The following CYP11B1 variants were observed in gnomAD, a reference collection of about 807,000 sequenced individuals.
CYP11B1 encodes the protein cytochrome P450 11B1, mitochondrial.
In CYP11B1, 34 loss-of-function variants were observed where a neutral mutation model predicts 48.3. The ratio of observed to expected loss-of-function variants is 0.70; its 90% CI spans 0.54 to 0.94. CYP11B1 has a LOEUF of 0.94. Among genes scored for constraint, CYP11B1 ranks in the 40% least tolerant of loss-of-function variants. The probability of loss-of-function intolerance (pLI) is 0.00; values close to 1 mark genes in which losing one functional copy is unlikely to be tolerated. For synonymous variants in CYP11B1, 291 were observed against 262.5 expected (o/e 1.11, Z -1.05); for missense variants, 688 against 657.4 (o/e 1.05, Z -0.51).
At position 142,876,388 on chromosome 8, in the gene CYP11B1, G is replaced by A. The variant is rs749806219; in HGVS notation, c.807C>T (p.Asn269=). The A allele has an allele frequency of 1.2e-6, 2 of 1,613,852 alleles. No individual in the cohort carries two copies. The highest frequency in any genetic ancestry group is 1.7e-6 in the Non-Finnish European group (2 of 1,179,838). The stretch of plus-strand genomic sequence containing the variant: ...GTTCCTGATAGATTTTCTGGATACA[G>A]TTGTCGCCTATCCGGGGAGCGGGAG... The part of the protein sequence containing the change: ...AWDCIFQYGD[N]CIQKIYQELA... Residue 269 remains asparagine (N), a synonymous_variant, in exon 5 of 9, where the codon AAC becomes AAT. Transcript: ENST00000292427.
rs973876982 is a variant in CYP11B1 at position 142,873,060 on chromosome 8, G to A, written c.*1313C>T. On this transcript the variant is annotated 3_prime_UTR_variant, in exon 9 of 9. Transcript: ENST00000292427. ...GTTTGTCAGCAACCCAGTCTATGGCGTTTTCTTAGAGCATCCTGAATAGAT... is the reference window on the plus strand; with the variant it reads ...GTTTGTCAGCAACCCAGTCTATGGCATTTTCTTAGAGCATCCTGAATAGAT... The A allele has an allele frequency of 2.0e-5, 3 of 152,328 alleles. No homozygotes were observed. The highest frequency in any genetic ancestry group is 1.3e-4 in the Admixed American group (2 of 15,298). 9.4% of individuals were successfully genotyped at this position (152,328 alleles called of 1,614,324 possible). A position where few individuals can be genotyped will look rare whatever the true frequency, so the allele number is the denominator to read the frequency against.
chr8:142,876,241 C>A lies in CYP11B1; in HGVS notation c.954G>T (p.Thr318=), dbSNP rs753774484. The A allele has an allele frequency of 1.9e-6, 3 of 1,614,180 alleles. No individual in the cohort carries two copies. The Admixed American group carries it at 5.0e-5, about 27-fold the overall frequency. The part of the protein sequence containing the change: ...SMELTAGSVD[T]TVFPLLMTLF... Reference sequence around the variant, plus strand: ...GGGTGGGGCTGGTTGCCGGCCTGACCGTGTCCACGCTCCCTGCAGTGAGTT... The same window carrying A: ...GGGTGGGGCTGGTTGCCGGCCTGACAGTGTCCACGCTCCCTGCAGTGAGTT... Residue 318 remains threonine, a splice_region_variant and synonymous_variant, in exon 5 of 9, where the codon ACG becomes ACT. Transcript: ENST00000292427.
chr8:142,875,193 G>A, intron 7 of CYP11B1, 39 bp from the exon 8 acceptor site: 1 of 1,614,234 alleles, frequency 6.2e-7, no homozygotes, highest in Non-Finnish European at 8.5e-7. Context: ...GAATGACTGG[G>A]GAGGGAGGTT....
At position 142,872,869 on chromosome 8, in the gene CYP11B1, TAA is replaced by T. The variant is rs1426502500; in HGVS notation, c.*1502_*1503del. On this transcript the variant is annotated 3_prime_UTR_variant, in exon 9 of 9. Transcript: ENST00000292427. The stretch of plus-strand genomic sequence containing the variant: ...CTCTTGAATGGAACTGGCGTCCTTA[TAA>T]AAGAGGTCTCTGTGAGCTGTCTTGC... 1.3e-5 allele frequency: 2 copies of T among 152,136 alleles called. No individual in the cohort carries two copies. Among genetic ancestry groups the T allele is most frequent in the Non-Finnish European group, 2.9e-5 (2 of 68,036 alleles). 9.4% of individuals were successfully genotyped at this position (152,136 alleles called of 1,614,324 possible).
At chr8:142,878,779 A>G (rs1474365522) in intron 2 of CYP11B1, among the ~76,000 whole-genome samples, 1 of 152,136 alleles carries the variant, frequency 6.6e-6, no homozygotes, top group Non-Finnish European at 1.5e-5. Flanking sequence ...GCGGGTTCTC[A>G]CTACACAGAA....
chr8:142,879,742 C>G lies in CYP11B1; in HGVS notation c.72G>C (p.Leu24=), dbSNP rs777014524. The change falls in exon 1 of 9, where the codon CTG becomes CTC. Residue 24 remains leucine, a synonymous_variant. Coordinates refer to ENST00000292427, the MANE Select transcript of CYP11B1 (RefSeq NM_000497.4). ...TGGGGACCCGGGCGGCTCTCGTGCCCAGTGCCTGTGCCCTTTGCAGGGACA... is the reference window on the plus strand; with the variant it reads ...TGGGGACCCGGGCGGCTCTCGTGCCGAGTGCCTGTGCCCTTTGCAGGGACA... ...PWLSLQRAQA[L]GTRAARVPRT... The G allele has an allele frequency of 6.2e-7, 1 of 1,614,238 alleles. No individual in the cohort carries two copies. The highest frequency in any genetic ancestry group is 1.1e-5 in the South Asian group (1 of 91,092).
intron 6 of CYP11B1, 91 bp from the exon 7 acceptor site, chr8:142,875,403 T>G: frequency 7.1e-7 from 1 of 1,407,796 alleles, no homozygotes; most frequent in Non-Finnish European, 9.8e-7. Context: ...CCCGCAGAGG[T>G]CCCAGATCCA....
chr8:142,875,838 C>T lies in CYP11B1; in HGVS notation c.995G>A (p.Arg332Gln), dbSNP rs149881706. 36 of 1,613,982 alleles carry T rather than the reference C, an allele frequency of 2.2e-5. No individual in the cohort carries two copies. Among genetic ancestry groups the T allele is most frequent in the South Asian group, 2.1e-4 (19 of 91,088 alleles). The change falls in exon 6 of 9, where the codon CGG becomes CAG. Residue 332 changes from arginine to glutamine, a missense_variant. By Grantham distance (43) the Arg-to-Gln change is conservative (BLOSUM62 1). Transcript: ENST00000292427. ...CAGGGCCTGCTGCACGTTGGGGTTC[C>T]GAGCCAGCTCAAAGAGCGTCATCAG... ...PLLMTLFELA[R>Q]NPNVQQALRQ...
At chr8:142,878,962 C>T (rs1242668177) in intron 2 of CYP11B1, 70 bp downstream of exon 2, 20 of 1,584,504 alleles carry the variant, frequency 1.3e-5, no homozygotes, top group Non-Finnish European at 1.6e-5. Flanking sequence ...GCTTTTGGGT[C>T]CTGCCTCTCT....
At chr8:142,876,193 G>T in intron 5 of CYP11B1, 48 bp downstream of exon 5, 2 of 1,613,092 alleles carry the variant, frequency 1.2e-6, no homozygotes, top group Non-Finnish European at 1.7e-6. Context: ...TGCCTGGGAG[G>T]CAGGCTTGGC....
At position 142,877,219 on chromosome 8, in the gene CYP11B1, A is replaced by T. The variant is rs144289742; in HGVS notation, c.399T>A (p.Asn133Lys). 78 of 1,611,992 alleles carry T rather than the reference A, an allele frequency of 4.8e-5. No homozygotes were observed. Among genetic ancestry groups the T allele is most frequent in the Non-Finnish European group, 5.9e-5 (70 of 1,179,218 alleles). The change falls in exon 3 of 9, where the codon AAT becomes AAA. Residue 133 changes from asparagine to lysine, a missense_variant. Physicochemically the swap from Asn to Lys is moderately conservative, Grantham distance 94 (BLOSUM62 0). Coordinates refer to ENST00000292427, the MANE Select transcript of CYP11B1 (RefSeq NM_000497.4). Reference sequence around the variant, plus strand: ...ATCGGTTGAAGCGCCATTCAGGCCCATTCCTACAGAGGCCAGGGCAGAGCT... The same window carrying T: ...ATCGGTTGAAGCGCCATTCAGGCCCTTTCCTACAGAGGCCAGGGCAGAGCT... ...RGHKCGVFLLNGPEWRFNRLR... is the reference protein window; with the variant it reads ...RGHKCGVFLLKGPEWRFNRLR...
Position 142,879,778 on chromosome 8 carries a change from T to C in CYP11B1, c.36A>G (p.Ala12=). 1 of 1,614,166 alleles carries C rather than the reference T, an allele frequency of 6.2e-7. No individual in the cohort carries two copies. The highest frequency in any genetic ancestry group is 8.5e-7 in the Non-Finnish European group (1 of 1,180,042). The change falls in exon 1 of 9, where the codon GCA becomes GCG. Residue 12 remains alanine (A), a synonymous_variant. Coordinates refer to ENST00000292427, the MANE Select transcript of CYP11B1 (RefSeq NM_000497.4). ...CCCTTTGCAGGGACAGCCAGGGCAC[T>C]GCCATGCACACCTCTGCCTTTGCCC... ...ALRAKAEVCM[A]VPWLSLQRAQ...
chr8:142,873,856 G>A lies in CYP11B1; in HGVS notation c.*517C>T, dbSNP rs538396675. 14 of 199,388 alleles carry A rather than the reference G, an allele frequency of 7.0e-5. No individual in the cohort carries two copies. The South Asian group carries it at 1.4e-3, about 19-fold the overall frequency. The allele number at this position is 199,388 out of a possible 1,614,324, so 12.4% of individuals were successfully genotyped here. A position where few individuals can be genotyped will look rare whatever the true frequency, so the allele number is the denominator to read the frequency against. On this transcript the variant is annotated 3_prime_UTR_variant, in exon 9 of 9. Coordinates refer to ENST00000292427, the MANE Select transcript of CYP11B1 (RefSeq NM_000497.4). ...CTACCCTGCAGGACCCTATTCCAGG[G>A]TGACAACTTTCAGAGAGCTCAGGGC... is the stretch of plus-strand genomic sequence containing the variant.
In CYP11B1 at chr8:142,874,009, T is replaced by G. The variant is rs1816860623; in HGVS notation, c.*364A>C. 1.9e-5 allele frequency: 7 copies of G among 363,544 alleles called. No homozygotes were observed. The highest frequency in any genetic ancestry group is 2.7e-5 in the Non-Finnish European group (5 of 188,498). 22.5% of individuals were successfully genotyped at this position (363,544 alleles called of 1,614,324 possible). ...GGCCAGGGGAAGAGGAACAGGGACATGTGAGACTAGGCAGGAAGGCAAGGG... is the reference window on the plus strand; with the variant it reads ...GGCCAGGGGAAGAGGAACAGGGACAGGTGAGACTAGGCAGGAAGGCAAGGG... On this transcript the variant is annotated 3_prime_UTR_variant, in exon 9 of 9. Coordinates refer to ENST00000292427, the MANE Select transcript of CYP11B1 (RefSeq NM_000497.4).
In CYP11B1 at chr8:142,879,034, CA is replaced by C; in HGVS notation, c.392del (p.Leu131CysfsTer2). 6.2e-7 allele frequency: 1 copy of C among 1,614,140 alleles called. No homozygotes were observed. Among genetic ancestry groups the C allele is most frequent in the Non-Finnish European group, 8.5e-7 (1 of 1,180,032 alleles). Reference sequence around the variant, plus strand: ...CCAGCTCTCAGCTCGCCGCTTACAGCAAGAACACGCCACATTTGTGCCCACG... The same window carrying C: ...CCAGCTCTCAGCTCGCCGCTTACAGCAGAACACGCCACATTTGTGCCCACG... ...QHRGHKCGVFLLNGPEWRFNR... is the reference protein window; with the variant it reads ...QHRGHKCGVFXLNGPEWRFNR... On this transcript the variant is annotated frameshift_variant, in exon 2 of 9. Coordinates refer to ENST00000292427, the MANE Select transcript of CYP11B1 (RefSeq NM_000497.4). LOFTEE classifies it high-confidence loss of function.
Position 142,876,392 on chromosome 8 carries a change from T to C in CYP11B1, c.803A>G (p.Asp268Gly), listed in dbSNP as rs774441602. The C allele has an allele frequency of 1.2e-6, 2 of 1,613,574 alleles. No individual in the cohort carries two copies. The highest frequency in any genetic ancestry group is 1.7e-5 in the Admixed American group (1 of 59,972). ...CTGATAGATTTTCTGGATACAGTTG[T>C]CGCCTATCCGGGGAGCGGGAGGCAG... Reference protein sequence around the residue: ...EAWDCIFQYGDNCIQKIYQEL... With the variant: ...EAWDCIFQYGGNCIQKIYQEL... The change falls in exon 5 of 9, where the codon GAC (aspartate) becomes GGC (glycine). Residue 268 changes from aspartate (D) to glycine (G), a missense_variant. Asp to Gly is a moderately conservative substitution (Grantham distance 94). Coordinates refer to ENST00000292427, the MANE Select transcript of CYP11B1 (RefSeq NM_000497.4).
In CYP11B1 at chr8:142,879,739, G is replaced by C; in HGVS notation, c.75C>G (p.Gly25=). 6.2e-7 allele frequency: 1 copy of C among 1,614,236 alleles called. No homozygotes were observed. Among genetic ancestry groups the C allele is most frequent in the African/African-American group, 1.3e-5 (1 of 75,072 alleles). Residue 25 remains glycine (G), a synonymous_variant, in exon 1 of 9, where the codon GGC becomes GGG. Transcript: ENST00000292427. ...TCCTGGGGACCCGGGCGGCTCTCGT[G>C]CCCAGTGCCTGTGCCCTTTGCAGGG... ...WLSLQRAQAL[G]TRAARVPRTV...
chr8:142,879,320 T>C (rs769652576), intron 1 of CYP11B1, 133 bp from the exon 2 acceptor site: 145 of 1,605,950 alleles, frequency 9.0e-5, no homozygotes, highest in Admixed American at 3.8e-4. Context: ...TAAAGCCCTC[T>C]TGCTGACTGC....
At chr8:142,875,333 A>G in intron 6 of CYP11B1, 21 bp from the exon 7 acceptor site, 2 of 1,608,206 alleles carry the variant, frequency 1.2e-6, no homozygotes, top group Non-Finnish European at 1.7e-6. Flanking sequence ...GGGCATCCAT[A>G]GAAAGGGTCC....
Sources: gnomAD v4.1 joint callset for allele counts (sites outside exome capture counted in the v4.1 genomes callset) on GRCh38, gnomAD v4.1.1 for gene constraint, MANE v1.5 for transcripts, NCBI Gene and HGNC (gene_info 2026-07-23, HGNC 2026-07-21) for gene names.